Variants in ALPK1 observed in about 807,000 individuals in gnomAD.
The protein encoded by ALPK1 is alpha kinase 1, also known as alpha-protein kinase 1.
A neutral mutation model predicts 120.6 loss-of-function variants in ALPK1; 110 were observed. The ratio of observed to expected loss-of-function variants is 0.91; its 90% CI spans 0.78 to 1.07. The LOEUF (loss-of-function observed/expected upper bound fraction) is 1.07, where lower values mean the gene tolerates loss of function less well. Among genes scored for constraint, ALPK1 ranks in the 50% least tolerant of loss-of-function variants. The pLI is 0.00. For missense variants in ALPK1, 1,498 were observed against 1,483.9 expected, an observed-to-expected ratio of 1.01 and a Z score of -0.16; for synonymous variants, 582 against 560.3, an observed-to-expected ratio of 1.04 and a Z score of -0.55.
chr4:112,401,665 C>T (rs1399816759), intron 4 of ALPK1, among the ~76,000 whole-genome samples: 1 of 152,140 alleles, frequency 6.6e-6, no homozygotes, highest in Non-Finnish European at 1.5e-5. Context: ...GTAAGGTGTG[C>T]AGGTCCCTAG....
chr4:112,419,161 TA>T (rs1200190449), intron 5 of ALPK1, among the ~76,000 whole-genome samples: 1 of 152,264 alleles, frequency 6.6e-6, no homozygotes, highest in Non-Finnish European at 1.5e-5. Flanking sequence ...ATTGCTTTGA[TA>T]AAATTTATTC....
intron 4 of ALPK1, among the ~76,000 whole-genome samples, chr4:112,408,057 A>C (rs1234480799): frequency 6.6e-6 from 1 of 152,048 alleles, no homozygotes; most frequent in African/African-American, 2.4e-5. Flanking sequence ...CAGTGAGCAG[A>C]GATTACACCA....
At chr4:112,380,705 T>C (rs1485435854) in intron 3 of ALPK1, among the ~76,000 whole-genome samples, 1 of 152,162 alleles carries the variant, frequency 6.6e-6, no homozygotes, top group Non-Finnish European at 1.5e-5. Context: ...TTATAGATGA[T>C]ATAAAAATAT....
At chr4:112,388,990 T>A (rs1732277654) in intron 4 of ALPK1, among the ~76,000 whole-genome samples, 2 of 151,874 alleles carry the variant, frequency 1.3e-5, no homozygotes, top group South Asian at 4.1e-4. Context: ...ACTCCCCATC[T>A]CTTTATGGAC....
At chr4:112,409,537 A>C (rs988634681) in intron 4 of ALPK1, among the ~76,000 whole-genome samples, 1 of 151,942 alleles carries the variant, frequency 6.6e-6, no homozygotes, top group African/African-American at 2.4e-5. Context: ...AATTATATAG[A>C]CGTCCCCATT....
At chr4:112,380,371 C>A (rs1731846299) in intron 3 of ALPK1, among the ~76,000 whole-genome samples, 1 of 152,290 alleles carries the variant, frequency 6.6e-6, no homozygotes, top group Non-Finnish European at 1.5e-5. Flanking sequence ...ATCAGTCACA[C>A]AGTAGATGCT....
intron 5 of ALPK1, among the ~76,000 whole-genome samples, chr4:112,413,111 C>G (rs763373347): frequency 9.2e-5 from 14 of 152,106 alleles, no homozygotes; most frequent in Non-Finnish European, 1.6e-4. Context: ...TAAAATGTTC[C>G]TGATGTAATT....
chr4:112,397,978 A>G (rs1176460695), intron 4 of ALPK1, among the ~76,000 whole-genome samples: 1 of 152,200 alleles, frequency 6.6e-6, no homozygotes, highest in Non-Finnish European at 1.5e-5. Flanking sequence ...AGAGTAATAA[A>G]GTCTATGATG....
intron 6 of ALPK1, chr4:112,424,940 C>G (rs1008282672): frequency 2.0e-5 from 3 of 152,204 alleles, no homozygotes; most frequent in Admixed American, 6.5e-5. Context: ...TTGCCTCACA[C>G]TGGACAGTCC....
At chr4:112,377,944 T>C in intron 3 of ALPK1, 46 bp downstream of exon 3, 1 of 1,554,662 alleles carries the variant, frequency 6.4e-7, no homozygotes, top group Non-Finnish European at 8.8e-7. Flanking sequence ...GCAGGTTCAC[T>C]CTCCTGTCCC....
chr4:112,299,670 C>T (rs935100003), intron 1 of ALPK1, among the ~76,000 whole-genome samples: 2 of 152,142 alleles, frequency 1.3e-5, no homozygotes, highest in Non-Finnish European at 2.9e-5. Flanking sequence ...GGTTACAGAG[C>T]TCAGTTGACA....
intron 1 of ALPK1, among the ~76,000 whole-genome samples, chr4:112,302,011 A>T (rs1727810010): frequency 1.3e-5 from 2 of 152,118 alleles, no homozygotes; most frequent in Non-Finnish European, 2.9e-5. Context: ...TGACTCTCAG[A>T]TTCACATCCT....
intron 5 of ALPK1, chr4:112,414,304 G>C (rs777918101): frequency 2.0e-6 from 1 of 494,060 alleles, no homozygotes. Context: ...TGGGATGTCA[G>C]AAGCAAGAGA....
At chr4:112,393,296 C>T (rs1732506502) in intron 4 of ALPK1, among the ~76,000 whole-genome samples, 3 of 152,088 alleles carry the variant, frequency 2.0e-5, no homozygotes, top group Admixed American at 6.5e-5. Context: ...CTCCACAATA[C>T]AACTGAAGCA....
chr4:112,347,137 C>T (rs1173325124), intron 2 of ALPK1, among the ~76,000 whole-genome samples: 3 of 152,326 alleles, frequency 2.0e-5, no homozygotes, highest in Admixed American at 6.5e-5. Context: ...GCCTAAGAGT[C>T]GTGTCTTTAA....
chr4:112,426,313 A>G lies in ALPK1; in HGVS notation c.623-154A>G, dbSNP rs138823575. On this transcript the variant is annotated intron_variant, in intron 7 of 15. Transcript: ENST00000650871. ...TTGTCTATATTACAACTGGAAAAACATTGCTGTGTCAATCTAATCTAAGCC... is the reference window on the plus strand; with the variant it reads ...TTGTCTATATTACAACTGGAAAAACGTTGCTGTGTCAATCTAATCTAAGCC... 8.7e-6 allele frequency: 4 copies of G among 460,020 alleles called. No homozygotes were observed. In the East Asian group the frequency reaches 1.4e-4, roughly 16 times the overall value. The allele number at this position is 460,020 out of a possible 1,614,324, so 28.5% of individuals were successfully genotyped here. A position where few individuals can be genotyped will look rare whatever the true frequency, so the allele number is the denominator to read the frequency against.
At chr4:112,438,901 T>G (rs1734905397) in intron 13 of ALPK1, among the ~76,000 whole-genome samples, 1 of 152,180 alleles carries the variant, frequency 6.6e-6, no homozygotes, top group South Asian at 2.1e-4. Context: ...AAGTCAAAGC[T>G]TACACACCTT....
intron 4 of ALPK1, among the ~76,000 whole-genome samples, chr4:112,392,871 G>A (rs1732483586): frequency 6.6e-6 from 1 of 152,118 alleles, no homozygotes; most frequent in South Asian, 2.1e-4. Flanking sequence ...CCTAACTCTA[G>A]TCACATTCCC....
rs569170014 is a variant in ALPK1, at chr4:112,391,732, C to T, written c.276+9180C>T. 7.7e-4 allele frequency among the ~76,000 whole-genome samples: 118 copies of T among 152,316 alleles called. 3 individuals are homozygous for T. The South Asian group carries it at 0.023, about 30-fold the overall frequency. On this transcript the variant is annotated intron_variant, in intron 4 of 15. Coordinates refer to ENST00000650871, the MANE Select transcript of ALPK1 (RefSeq NM_025144.4). ...AAAAGAAAGGCAGGGAACAGATGCT[C>T]CTGTTAGAGCATGGCCCCACTGACG...
Sources: allele counts gnomAD v4.1 joint callset (sites outside exome capture counted in the v4.1 genomes callset), GRCh38; gene constraint gnomAD v4.1.1; transcripts MANE v1.5; gene names NCBI Gene and HGNC (gene_info 2026-07-23, HGNC 2026-07-21).